PRSS23: variants seen among roughly 807,000 people sequenced by gnomAD.
PRSS23 encodes serine protease 23, also known as protease, serine 23.
Under a neutral mutation model 34.7 loss-of-function variants are expected in PRSS23, and 25 were observed. The observed-to-expected ratio is 0.72, with a 90% CI of 0.53 to 1.01. The LOEUF (loss-of-function observed/expected upper bound fraction) is 1.01, where lower values mean the gene tolerates loss of function less well. Among genes scored for constraint, PRSS23 ranks in the 50% least tolerant of loss-of-function variants. The pLI is 0.00. For missense variants in PRSS23, 445 were observed against 475.6 expected (o/e 0.94, Z 0.60); for synonymous variants, 176 against 186.6 (o/e 0.94, Z 0.46).
At chr11:86,797,527 G>A (rs12803572), upstream of PRSS23, among the ~76,000 whole-genome samples, 14,471 of 152,198 alleles carry the variant, frequency 0.095, 853 homozygotes, top group African/African-American at 0.15. Flanking sequence ...GATAGTGGGC[G>A]GTAGTCCCTG....
intron 2 of PRSS23, among the ~76,000 whole-genome samples, chr11:86,923,576 G>A (rs1345612570): frequency 6.6e-6 from 1 of 152,140 alleles, no homozygotes; most frequent in East Asian, 1.9e-4. Context: ...TCTTGTTAAA[G>A]TTATACAAGC....
At chr11:86,830,724 C>A (rs1400672271) in intron 2 of PRSS23, among the ~76,000 whole-genome samples, 1 of 152,062 alleles carries the variant, frequency 6.6e-6, no homozygotes, top group African/African-American at 2.4e-5. Flanking sequence ...CCTAGGGAGA[C>A]ATTACTACTA....
chr11:86,846,990 A>T (rs1000330994), intron 2 of PRSS23, among the ~76,000 whole-genome samples: 1 of 152,206 alleles, frequency 6.6e-6, no homozygotes, highest in Non-Finnish European at 1.5e-5. Flanking sequence ...TATCAAGTAC[A>T]ATCTATGGTG....
chr11:86,799,405 G>C (rs1035820388), upstream of PRSS23, among the ~76,000 whole-genome samples: 5 of 152,316 alleles, frequency 3.3e-5, no homozygotes, highest in African/African-American at 1.2e-4. Context: ...TAGGAGAAAG[G>C]AAAGCTAAGT....
chr11:86,830,591 G>T (rs1040093040), intron 2 of PRSS23, among the ~76,000 whole-genome samples: 5 of 151,894 alleles, frequency 3.3e-5, no homozygotes, highest in African/African-American at 9.7e-5. Flanking sequence ...TGTCGCTCAT[G>T]CTGGGAGCTG....
At chr11:86,854,189 A>G (rs10898541) in intron 2 of PRSS23, among the ~76,000 whole-genome samples, 54,574 of 151,818 alleles carry the variant, frequency 0.36, 9,942 homozygotes, top group East Asian at 0.46. Context: ...TTTAGTAGAG[A>G]CAGGGTTTCA....
At chr11:86,914,454 G>A (rs112474101) in intron 2 of PRSS23, among the ~76,000 whole-genome samples, 5 of 152,256 alleles carry the variant, frequency 3.3e-5, no homozygotes, top group African/African-American at 1.2e-4. Flanking sequence ...AGCATCCTAT[G>A]TCATAGATGC....
intron 2 of PRSS23, among the ~76,000 whole-genome samples, chr11:86,888,346 A>G (rs1443413748): frequency 6.6e-6 from 1 of 152,128 alleles, no homozygotes; most frequent in African/African-American, 2.4e-5. Context: ...GGAGTACTCC[A>G]TAAGGAACAA....
intron 2 of PRSS23, among the ~76,000 whole-genome samples, chr11:86,931,029 T>C (rs766231370): frequency 9.2e-5 from 14 of 152,124 alleles, no homozygotes; most frequent in Non-Finnish European, 1.8e-4. Flanking sequence ...TGGGAAGCCA[T>C]TGAAGGAGTT....
intron 2 of PRSS23, among the ~76,000 whole-genome samples, chr11:86,860,855 G>T (rs1394530107): frequency 6.6e-6 from 1 of 151,868 alleles, no homozygotes; most frequent in African/African-American, 2.4e-5. Flanking sequence ...TCCAGAGGGA[G>T]AGAGAATGAT....
At chr11:86,844,893 C>G (rs1016185186) in intron 2 of PRSS23, among the ~76,000 whole-genome samples, 7 of 152,110 alleles carry the variant, frequency 4.6e-5, no homozygotes, top group African/African-American at 1.2e-4. Flanking sequence ...AGTTCAAGAA[C>G]AGCCTGACCA....
At chr11:86,882,566 A>G (rs1313776731) in intron 2 of PRSS23, among the ~76,000 whole-genome samples, 2 of 151,956 alleles carry the variant, frequency 1.3e-5, no homozygotes, top group Non-Finnish European at 2.9e-5. Context: ...CATATATTTC[A>G]TGGCGTAAAT....
At chr11:86,859,921 C>A (rs1948601314) in intron 2 of PRSS23, among the ~76,000 whole-genome samples, 1 of 151,924 alleles carries the variant, frequency 6.6e-6, no homozygotes, top group Non-Finnish European at 1.5e-5. Context: ...GTTATACACA[C>A]CCCCGTGATA....
intron 2 of PRSS23, among the ~76,000 whole-genome samples, chr11:86,896,730 A>G (rs1230523219): frequency 6.6e-6 from 1 of 152,232 alleles, no homozygotes; most frequent in Admixed American, 6.5e-5. Flanking sequence ...GATTGAGAAG[A>G]TGTCTTCTTG....
chr11:86,889,070 A>G (rs57252038), intron 2 of PRSS23, among the ~76,000 whole-genome samples: 13,702 of 152,230 alleles, frequency 0.09, 680 homozygotes, highest in East Asian at 0.2. Flanking sequence ...GGAAATGACA[A>G]GGAAGTGAAA....
intron 2 of PRSS23, among the ~76,000 whole-genome samples, chr11:86,843,256 A>G (rs1473383981): frequency 1.3e-5 from 2 of 152,218 alleles, no homozygotes; most frequent in Non-Finnish European, 1.5e-5. Context: ...CTTACACCAT[A>G]TACAAAAATT....
intron 2 of PRSS23, chr11:86,937,760 G>A (rs1269717657): frequency 6.6e-6 from 1 of 152,226 alleles, no homozygotes; most frequent in Non-Finnish European, 1.5e-5. Context: ...GAAGCCTTCT[G>A]TCAGTGGAGT....
chr11:86,831,688 G>GT (rs1277554760), intron 2 of PRSS23, among the ~76,000 whole-genome samples: 2 of 151,168 alleles, frequency 1.3e-5, no homozygotes, highest in Non-Finnish European at 2.9e-5. Flanking sequence ...GTCACAGGGG[G>GT]TGTACACACT....
intron 2 of PRSS23, among the ~76,000 whole-genome samples, chr11:86,851,794 C>T (rs187422388): frequency 6.6e-6 from 1 of 152,308 alleles, no homozygotes; most frequent in African/African-American, 2.4e-5. Flanking sequence ...TATCTGCCAT[C>T]TTCCTTTTTA....
Sources: allele counts gnomAD v4.1 joint callset (sites outside exome capture counted in the v4.1 genomes callset), GRCh38; gene constraint gnomAD v4.1.1; transcripts MANE v1.5; gene names NCBI Gene and HGNC (gene_info 2026-07-23, HGNC 2026-07-21).